SH2D3C: variants seen among roughly 807,000 people sequenced by gnomAD.
The protein encoded by SH2D3C is SH2 domain containing 3C, also known as SH2 domain-containing protein 3C.
A neutral mutation model predicts 75.2 loss-of-function variants in SH2D3C; 25 were observed. That is an observed-to-expected ratio of 0.33 (90% CI 0.24 to 0.46). SH2D3C has a LOEUF of 0.46. Among genes scored for constraint, SH2D3C ranks in the 20% least tolerant of loss-of-function variants. The pLI is 1.00. For missense variants in SH2D3C, 933 were observed against 1,165.3 expected (o/e 0.80, Z 2.90); for synonymous variants, 450 against 473.7 (o/e 0.95, Z 0.65).
chr9:127,776,612 C>A lies in SH2D3C; in HGVS notation c.37+1979G>T, dbSNP rs150713558. ...CCAGATGAGCAAAAAGGTAAAACTC[C>A]GGCATTTTCCACATCCTCAGCATCC... is the stretch of plus-strand genomic sequence containing the variant. On this transcript the variant is annotated intron_variant, in intron 1 of 11. Transcript: ENST00000314830. 3.3e-5 allele frequency among the ~76,000 whole-genome samples: 5 copies of A among 152,350 alleles called. No individual in the cohort carries two copies. In the East Asian group the frequency reaches 9.6e-4, roughly 29 times the overall value.
Position 127,738,673 on chromosome 9 carries a change from TGCTCTGG to T in SH2D3C, c.*66_*72del. The stretch of plus-strand genomic sequence containing the variant: ...CGGGTTGATCACAGTGTCCTTGGGG[TGCTCTGG>T]GGAAAGTTGTGTGCCCCTCTGCCCC... On this transcript the variant is annotated 3_prime_UTR_variant, in exon 12 of 12. Transcript: ENST00000314830. The surrounding 1 kb of genome is among the most constrained non-coding windows in gnomAD (Gnocchi z 5.0). 1 of 1,428,392 alleles carries T rather than the reference TGCTCTGG, an allele frequency of 7.0e-7. No homozygotes were observed. Among genetic ancestry groups the T allele is most frequent in the Non-Finnish European group, 9.4e-7 (1 of 1,067,586 alleles). The allele number at this position is 1,428,392 out of a possible 1,614,324, so 88.5% of individuals were successfully genotyped here.
At chr9:127,745,157 C>T in intron 6 of SH2D3C, 58 bp from the exon 7 acceptor site, 1 of 1,384,418 alleles carries the variant, frequency 7.2e-7, no homozygotes. Context: ...AAGTGAGATT[C>T]CCGCACCCCT....
rs1845281541 is a variant in SH2D3C at position 127,754,095 on chromosome 9, C to T, written c.556-2795G>A. On this transcript the variant is annotated intron_variant, in intron 3 of 11. Transcript: ENST00000314830. This position sits in a 1 kb window ranked among gnomAD's most constrained non-coding sequence, Gnocchi z 4.4. Reference sequence around the variant, plus strand: ...CCTTGATCTCACCTCGACCTGGGAGCCCCCAGTTCCCTAGAGTTGGGGGTG... The same window carrying T: ...CCTTGATCTCACCTCGACCTGGGAGTCCCCAGTTCCCTAGAGTTGGGGGTG... Among the ~76,000 whole-genome samples the T allele has an allele frequency of 1.3e-5, 2 of 152,170 alleles. No individual in the cohort carries two copies. The highest frequency in any genetic ancestry group is 1.3e-4 in the Admixed American group (2 of 15,286).
At chr9:127,766,853 A>G in intron 2 of SH2D3C, 1 of 1,371,604 alleles carries the variant, frequency 7.3e-7, no homozygotes, top group Non-Finnish European at 9.8e-7. Flanking sequence ...TACAGGCGTG[A>G]GCCCTGTGCC....
chr9:127,777,660 A>G (rs1469605760), intron 1 of SH2D3C, among the ~76,000 whole-genome samples: 3 of 152,168 alleles, frequency 2.0e-5, no homozygotes, highest in Non-Finnish European at 2.9e-5. Flanking sequence ...CCCGGCCGCA[A>G]GGTCAGAGAC....
chr9:127,777,974 T>C (rs1026049074), intron 1 of SH2D3C, among the ~76,000 whole-genome samples: 3 of 151,758 alleles, frequency 2.0e-5, no homozygotes, highest in African/African-American at 7.3e-5. Context: ...AAAAATCAGT[T>C]TTATTTTACT....
Position 127,774,654 on chromosome 9 carries a change from C to A in SH2D3C, c.38-187G>T, listed in dbSNP as rs1285419422. Among the ~76,000 whole-genome samples, 2 of 152,122 alleles carry A rather than the reference C, an allele frequency of 1.3e-5. No homozygotes were observed. The highest frequency in any genetic ancestry group is 4.8e-5 in the African/African-American group (2 of 41,422). On this transcript the variant is annotated intron_variant, in intron 1 of 11. Transcript: ENST00000314830. The surrounding 1 kb of genome is among the most constrained non-coding windows in gnomAD (Gnocchi z 4.3). ...AGATGGGAGCTTTGGAGTCACGGGG[C>A]CCTGGACTTGAATTCCTGCTCTTTC... is the stretch of plus-strand genomic sequence containing the variant.
chr9:127,747,359 C>G, intron 5 of SH2D3C, 88 bp from the exon 6 acceptor site: 2 of 1,258,206 alleles, frequency 1.6e-6, no homozygotes, highest in Non-Finnish European at 2.2e-6. Flanking sequence ...GCACCTTGAA[C>G]TTCAGAGGCA....
At chr9:127,741,563 T>C (rs1160488375) in intron 9 of SH2D3C, among the ~76,000 whole-genome samples, 2 of 152,186 alleles carry the variant, frequency 1.3e-5, no homozygotes, top group African/African-American at 4.8e-5. Context: ...ACTCATATAA[T>C]GCTCCTCATT....
In SH2D3C at chr9:127,774,576, G is replaced by A. The variant is rs368896847; in HGVS notation, c.38-109C>T. The A allele has an allele frequency of 3.3e-4, 216 of 661,920 alleles. 2 individuals carry two copies. In the South Asian group the frequency reaches 3.8e-3, roughly 12 times the overall value. The allele number at this position is 661,920 out of a possible 1,614,324, so 41.0% of individuals were successfully genotyped here. Reference sequence around the variant, plus strand: ...CGGTGAGGGGCTGAAGAGGGCTGGCGGTTTCCCAGACACCCCTTCTAAAAT... The same window carrying A: ...CGGTGAGGGGCTGAAGAGGGCTGGCAGTTTCCCAGACACCCCTTCTAAAAT... On this transcript the variant is annotated intron_variant, in intron 1 of 11. Transcript: ENST00000314830. The surrounding 1 kb of genome is among the most constrained non-coding windows in gnomAD (Gnocchi z 4.3).
chr9:127,746,348 G>A (rs937578739), intron 6 of SH2D3C, among the ~76,000 whole-genome samples: 5 of 152,128 alleles, frequency 3.3e-5, no homozygotes, highest in African/African-American at 9.7e-5. Context: ...TGGACAATAC[G>A]GCCTGTTGAA....
chr9:127,775,466 C>T (rs1406597169), intron 1 of SH2D3C, among the ~76,000 whole-genome samples: 5 of 151,818 alleles, frequency 3.3e-5, no homozygotes, highest in Non-Finnish European at 7.4e-5. Flanking sequence ...CCTGTCTCTA[C>T]TAAAAATACA....
At chr9:127,776,280 C>A (rs1451455111) in intron 1 of SH2D3C, among the ~76,000 whole-genome samples, 1 of 152,048 alleles carries the variant, frequency 6.6e-6, no homozygotes, top group Non-Finnish European at 1.5e-5. Flanking sequence ...ACCGAGCTCA[C>A]ACCGCTGGTA....
chr9:127,741,868 G>T lies in SH2D3C; in HGVS notation c.2008C>A (p.Gln670Lys), dbSNP rs1366352596. Residue 670 changes from glutamine (Q) to lysine (K), a missense_variant, in exon 9 of 12, where the codon CAG (glutamine) becomes AAG (lysine). Physicochemically the swap from Gln to Lys is moderately conservative, Grantham distance 53 (BLOSUM62 1). Transcript: ENST00000314830. ...GTCCCCCGCAGCTCGGCCGCCAGCT[G>T]AATGGTCTTGTGCAGCAGCGCTGCC... ...ERAALLHKTI[Q>K]LAAELRGTMG... 2 of 1,613,324 alleles carry T rather than the reference G, an allele frequency of 1.2e-6. No individual in the cohort carries two copies. Among genetic ancestry groups the T allele is most frequent in the African/African-American group, 1.3e-5 (1 of 75,080 alleles).
intron 1 of SH2D3C, among the ~76,000 whole-genome samples, chr9:127,776,547 C>T (rs1404520025): frequency 6.6e-6 from 1 of 152,182 alleles, no homozygotes; most frequent in Non-Finnish European, 1.5e-5. Context: ...GTGGGACTGT[C>T]CCTTCTCACA....
chr9:127,744,180 C>T (rs1346651168), intron 7 of SH2D3C, among the ~76,000 whole-genome samples: 1 of 148,984 alleles, frequency 6.7e-6, no homozygotes, highest in Non-Finnish European at 1.5e-5. Context: ...AAGTGATTCT[C>T]CTGCCTCAGC....
At chr9:127,743,772 C>G (rs1047266531) in intron 7 of SH2D3C, among the ~76,000 whole-genome samples, 1 of 152,138 alleles carries the variant, frequency 6.6e-6, no homozygotes, top group African/African-American at 2.4e-5. Context: ...AACTGAAGCA[C>G]AGAGAGAACT....
chr9:127,749,260 C>T lies in SH2D3C; in HGVS notation c.1090G>A (p.Asp364Asn), dbSNP rs142059103. The T allele has an allele frequency of 3.1e-6, 5 of 1,594,420 alleles. No individual in the cohort carries two copies. Among genetic ancestry groups the T allele is most frequent in the Non-Finnish European group, 3.4e-6 (4 of 1,168,688 alleles). Residue 364 changes from aspartate (D) to asparagine (N), a missense_variant, in exon 5 of 12, where the codon GAT becomes AAT. Transcript: ENST00000314830. The surrounding 1 kb of genome is among the most constrained non-coding windows in gnomAD (Gnocchi z 5.9). ...HMKRRSVTMT[D>N]GLTADKVTRS... is the part of the protein sequence containing the mutation. The stretch of plus-strand genomic sequence containing the variant: ...GTGACCTTGTCAGCAGTGAGCCCAT[C>T]GGTCATGGTGACGCTGCGCCGCTTC...
chr9:127,763,237 T>C (rs1845571904), intron 2 of SH2D3C, among the ~76,000 whole-genome samples: 1 of 152,208 alleles, frequency 6.6e-6, no homozygotes, highest in African/African-American at 2.4e-5. Flanking sequence ...TAGTCCCTCA[T>C]TCCTTCACTC....
Sources: allele counts gnomAD v4.1 joint callset (sites outside exome capture counted in the v4.1 genomes callset), GRCh38; gene constraint gnomAD v4.1.1; non-coding constraint Gnocchi (gnomAD v3.1); transcripts MANE v1.5; gene names NCBI Gene and HGNC (gene_info 2026-07-23, HGNC 2026-07-21).